Variants in JADE2 observed in about 807,000 individuals in gnomAD.
The protein encoded by JADE2 is jade family PHD finger 2, also known as E3 ubiquitin-protein ligase Jade-2.
Under a neutral mutation model 85.7 loss-of-function variants are expected in JADE2, and 13 were observed. That is an observed-to-expected ratio of 0.15 (90% CI 0.10 to 0.24). The LOEUF is 0.24. Ranked by LOEUF, JADE2 falls within the 10% of genes least tolerant of loss-of-function variation. The pLI, the probability that JADE2 is intolerant of heterozygous loss-of-function variation, is 1.00. For synonymous variants in JADE2, 440 were observed against 456.1 expected, an observed-to-expected ratio of 0.96 and a Z score of 0.45; for missense variants, 846 against 1,115.9, an observed-to-expected ratio of 0.76 and a Z score of 3.45.
At position 134,562,079 on chromosome 5, in the gene JADE2, A is replaced by C; in HGVS notation, c.685-121A>C. 1.0e-6 allele frequency: 1 copy of C among 977,674 alleles called. No individual in the cohort carries two copies. Among genetic ancestry groups the C allele is most frequent in the Non-Finnish European group, 1.5e-6 (1 of 673,078 alleles). The allele number at this position is 977,674 out of a possible 1,614,324, so 60.6% of individuals were successfully genotyped here. On this transcript the variant is annotated intron_variant, in intron 6 of 11. Transcript: ENST00000681547. This position sits in a 1 kb window ranked among gnomAD's most constrained non-coding sequence, Gnocchi z 4.6. ...TAACTCCTCAGAAGTTGTACGTGCC[A>C]GAGATGGGAGGCTGTGTAGCAGTGT...
intron 11 of JADE2, 32 bp downstream of exon 11, chr5:134,576,928 G>C (rs988197874): frequency 5.3e-6 from 8 of 1,510,118 alleles, no homozygotes; most frequent in African/African-American, 1.4e-5. Flanking sequence ...CTGCAGACAC[G>C]GCAGGCTTGA....
rs202098805 is a variant in JADE2 at position 134,578,810 on chromosome 5, C to A, written c.1998C>A (p.Asp666Glu). Residue 666 changes from aspartate (D) to glutamate (E), a missense_variant, in exon 12 of 12, where the codon GAC becomes GAA. Physicochemically the swap from Asp to Glu is conservative, Grantham distance 45 (BLOSUM62 2). Around this residue, in one of 9 missense-constraint regions of JADE2, gnomAD observed 300 missense variants for 300.7 expected, o/e 1.00. Transcript: ENST00000681547. This position sits in a 1 kb window ranked among gnomAD's most constrained non-coding sequence, Gnocchi z 4.4. ...QDGPGSRTTP[D>E]KAPKKTWGQD... ...GGCCTGGTTCACGGACGACTCCAGACAAAGCCCCCAAGAAGACCTGGGGCC... is the reference window on the plus strand; with the variant it reads ...GGCCTGGTTCACGGACGACTCCAGAAAAAGCCCCCAAGAAGACCTGGGGCC... The A allele has an allele frequency of 2.2e-5, 35 of 1,613,648 alleles. No individual in the cohort carries two copies. The highest frequency in any genetic ancestry group is 2.8e-5 in the Non-Finnish European group (33 of 1,180,024).
At chr5:134,531,482 G>A (rs1382441866) in intron 1 of JADE2, among the ~76,000 whole-genome samples, 1 of 151,936 alleles carries the variant, frequency 6.6e-6, no homozygotes, top group Non-Finnish European at 1.5e-5. Context: ...TTGCTGTGTT[G>A]CCCGGGCTTG....
At position 134,537,984 on chromosome 5, in the gene JADE2, T is replaced by G; in HGVS notation, c.59-5T>G. On this transcript the variant is annotated splice_region_variant and splice_polypyrimidine_tract_variant and intron_variant, in intron 2 of 11. Coordinates refer to ENST00000681547, the MANE Select transcript of JADE2 (RefSeq NM_001388185.1). ...GACCCCTAATGGACTGTTCTCTCTC[T>G]GCAGGTCATGCGACATCTACATCCG... 1 of 1,613,116 alleles carries G rather than the reference T, an allele frequency of 6.2e-7. No homozygotes were observed. Among genetic ancestry groups the G allele is most frequent in the Non-Finnish European group, 8.5e-7 (1 of 1,179,112 alleles).
chr5:134,537,906 C>T (rs1761697963), intron 2 of JADE2, 83 bp from the exon 3 acceptor site: 3 of 1,027,062 alleles, frequency 2.9e-6, no homozygotes, highest in East Asian at 4.8e-5. Flanking sequence ...CGGGGCTTTG[C>T]TTAGAAGCTT....
In JADE2 at chr5:134,579,325, C is replaced by T. The variant is rs1309084254; in HGVS notation, c.*8C>T. On this transcript the variant is annotated 3_prime_UTR_variant, in exon 12 of 12. Transcript: ENST00000681547. This position sits in a 1 kb window ranked among gnomAD's most constrained non-coding sequence, Gnocchi z 4.6. ...GGCGTACTGGCCTCCTAACTCACCC[C>T]CTTCCCTGTCCCAGGCCCTGCCCTG... is the stretch of plus-strand genomic sequence containing the variant. The T allele has an allele frequency of 1.9e-6, 3 of 1,566,196 alleles. No homozygotes were observed. The highest frequency in any genetic ancestry group is 2.7e-5 in the African/African-American group (2 of 74,432).
intron 1 of JADE2, 30 bp from the exon 2 acceptor site, chr5:134,535,828 T>TGAGTATAATGG: frequency 1.9e-6 from 3 of 1,607,944 alleles, no homozygotes; most frequent in Non-Finnish European, 2.6e-6. Context: ...AAGCCATCCG[T>TGAGTATAATGG]GAGTATAATG....
intron 10 of JADE2, 112 bp from the exon 11 acceptor site, chr5:134,576,656 G>A (rs1300551190): frequency 1.5e-6 from 2 of 1,292,686 alleles, no homozygotes; most frequent in African/African-American, 1.5e-5. Flanking sequence ...TTGCTGTGGA[G>A]GGTGAGCACT....
chr5:134,539,173 T>C (rs1433999451), intron 3 of JADE2, among the ~76,000 whole-genome samples: 9 of 152,138 alleles, frequency 5.9e-5, no homozygotes, highest in Non-Finnish European at 1.2e-4. Flanking sequence ...GCCATTCTCC[T>C]GCCTCAGCCT....
rs191265673 is a variant in JADE2, at chr5:134,532,340, T to G, written c.1-3518T>G. 5.2e-3 allele frequency among the ~76,000 whole-genome samples: 788 copies of G among 152,200 alleles called. 8 individuals carry two copies. The highest frequency in any genetic ancestry group is 0.017 in the African/African-American group (725 of 41,542). On this transcript the variant is annotated intron_variant, in intron 1 of 11. Transcript: ENST00000681547. ...TAGTAGGAAGAAAGTGGGTGTGTTC[T>G]GGAGGCAAAGCCTAGTGGACTTGGT...
In JADE2 at chr5:134,562,611, A is replaced by C. The variant is rs549729951; in HGVS notation, c.852+244A>C. 2.9e-4 allele frequency among the ~76,000 whole-genome samples: 44 copies of C among 152,176 alleles called. 1 individual carries two copies. The highest frequency in any genetic ancestry group is 6.8e-3 in the Middle Eastern group (2 of 294). ...AACATAGCAAAACCCCCTCTCTACA[A>C]AAATTAGGAGTGCATGGTGGCAGGC... On this transcript the variant is annotated intron_variant, in intron 7 of 11. Transcript: ENST00000681547. This position sits in a 1 kb window ranked among gnomAD's most constrained non-coding sequence, Gnocchi z 4.6.
chr5:134,562,721 A>G lies in JADE2; in HGVS notation c.852+354A>G, dbSNP rs369977753. On this transcript the variant is annotated intron_variant, in intron 7 of 11. Transcript: ENST00000681547. This position sits in a 1 kb window ranked among gnomAD's most constrained non-coding sequence, Gnocchi z 4.6. Reference sequence around the variant, plus strand: ...GGAGGTTGCAGTGAACCGAGATCGCACCACTGCACTCCAGCCTGGGTGACA... The same window carrying G: ...GGAGGTTGCAGTGAACCGAGATCGCGCCACTGCACTCCAGCCTGGGTGACA... Among the ~76,000 whole-genome samples, 8 of 152,038 alleles carry G rather than the reference A, an allele frequency of 5.3e-5. No individual in the cohort carries two copies. Among genetic ancestry groups the G allele is most frequent in the African/African-American group, 1.9e-4 (8 of 41,402 alleles).
intron 1 of JADE2, among the ~76,000 whole-genome samples, chr5:134,528,052 G>T (rs1760982633): frequency 1.3e-5 from 2 of 152,172 alleles, no homozygotes; most frequent in Non-Finnish European, 2.9e-5. Context: ...CTAGGAAGGG[G>T]CTGAGTGGGA....
At chr5:134,551,898 A>T (rs947343684) in intron 3 of JADE2, among the ~76,000 whole-genome samples, 154 bp from the exon 4 acceptor site, 2 of 152,118 alleles carry the variant, frequency 1.3e-5, no homozygotes, top group African/African-American at 4.8e-5. Flanking sequence ...GAGCTATGTT[A>T]TTTATTGTGC....
intron 3 of JADE2, among the ~76,000 whole-genome samples, chr5:134,544,765 C>G (rs1388500133): frequency 6.6e-6 from 1 of 152,168 alleles, no homozygotes; most frequent in Non-Finnish European, 1.5e-5. Context: ...AGGGTGTCCC[C>G]CAGACCCAGT....
Position 134,566,362 on chromosome 5 carries a change from G to T in JADE2, c.1216G>T (p.Glu406Ter). 6.2e-7 allele frequency: 1 copy of T among 1,614,046 alleles called. No homozygotes were observed. The highest frequency in any genetic ancestry group is 8.5e-7 in the Non-Finnish European group (1 of 1,180,012). Residue 406 changes from glutamate (E) to a stop codon, truncating the protein, a stop_gained, in exon 9 of 12, where the codon GAG becomes TAG. Transcript: ENST00000681547. LOFTEE classifies it high-confidence loss of function. This position sits in a 1 kb window ranked among gnomAD's most constrained non-coding sequence, Gnocchi z 6.7. ...RLQQLEEDFY[E>*]LVEPAEVAER... ...GCAGCAGCTAGAGGAGGACTTCTAC[G>T]AGCTGGTGGAGCCGGCTGAGGTGGC...
At chr5:134,527,336 C>T (rs2149841663) in intron 1 of JADE2, among the ~76,000 whole-genome samples, 1 of 152,272 alleles carries the variant, frequency 6.6e-6, no homozygotes. Context: ...GGTCCTGAGA[C>T]ATCCTCTCCT....
intron 9 of JADE2, among the ~76,000 whole-genome samples, chr5:134,571,504 C>G (rs893655844): frequency 6.6e-6 from 1 of 152,300 alleles, no homozygotes; most frequent in East Asian, 1.9e-4. Context: ...CAAGACTAGC[C>G]TGGCCAACAT....
chr5:134,539,975 T>C (rs1423735040), intron 3 of JADE2, among the ~76,000 whole-genome samples: 2 of 151,250 alleles, frequency 1.3e-5, no homozygotes, highest in Non-Finnish European at 3.0e-5. Context: ...GGCCCCATGG[T>C]GGGTAGGGTA....
Sources: gnomAD v4.1 joint callset for allele counts (sites outside exome capture counted in the v4.1 genomes callset) on GRCh38, gnomAD v4.1.1 for gene constraint, gnomAD v4.1.1 regional missense constraint, Gnocchi (gnomAD v3.1) non-coding constraint, MANE v1.5 for transcripts, NCBI Gene and HGNC (gene_info 2026-07-23, HGNC 2026-07-21) for gene names.